Variants in EDARADD observed in about 807,000 individuals in gnomAD.
EDARADD encodes the protein EDAR associated via death domain.
EDARADD carries 20 observed loss-of-function variants against 25.6 expected under a neutral mutation model. That is an observed-to-expected ratio of 0.78 (90% CI 0.55 to 1.14). The LOEUF (loss-of-function observed/expected upper bound fraction) is 1.14, where lower values mean the gene tolerates loss of function less well. Among genes scored for constraint, EDARADD ranks in the 50% most tolerant of loss-of-function variants. The pLI is 0.00. For synonymous variants in EDARADD, 86 were observed against 94.4 expected, an observed-to-expected ratio of 0.91 and a Z score of 0.52; for missense variants, 225 against 270.1, an observed-to-expected ratio of 0.83 and a Z score of 1.17.
chr1:236,457,048 G>A lies in EDARADD; in HGVS notation c.220-11183G>A, dbSNP rs542657437. ...TGCCAGTTCCTGCTACCCAACCTCC[G>A]CCCTCATTTCAAGGCCTTGAGTACT... On this transcript the variant is annotated intron_variant, in intron 4 of 5. Coordinates refer to ENST00000334232, the MANE Select transcript of EDARADD (RefSeq NM_145861.4). 6.5e-4 allele frequency among the ~76,000 whole-genome samples: 99 copies of A among 151,972 alleles called. No individual in the cohort carries two copies. In the South Asian group the frequency reaches 9.8e-3, roughly 15 times the overall value.
Position 236,469,815 on chromosome 1 carries a change from C to T in EDARADD, c.265+1539C>T, listed in dbSNP as rs143683601. Among the ~76,000 whole-genome samples, 390 of 151,654 alleles carry T rather than the reference C, an allele frequency of 2.6e-3. 5 individuals are homozygous for T. The highest frequency in any genetic ancestry group is 8.8e-3 in the African/African-American group (364 of 41,360). ...TCCATAGATTTTTTTTTTCTTGAGA[C>T]GGAGTTTCGCACTCTTGTTGCCTAG... On this transcript the variant is annotated intron_variant, in intron 5 of 5. Transcript: ENST00000334232.
intron 4 of EDARADD, among the ~76,000 whole-genome samples, chr1:236,436,624 CAAAAAAA>C (rs5781885): frequency 1.1e-5 from 1 of 94,230 alleles, no homozygotes; most frequent in Admixed American, 1.5e-4. Context: ...AAGATCTTGT[CAAAAAAA>C]AAAAAAAAAA....
chr1:236,475,906 A>G (rs554350128), intron 5 of EDARADD, among the ~76,000 whole-genome samples: 1 of 152,304 alleles, frequency 6.6e-6, no homozygotes, highest in South Asian at 2.1e-4. Flanking sequence ...AAGAAACTTT[A>G]CAGGCCGGGC....
At chr1:236,474,133 A>G (rs1243334083) in intron 5 of EDARADD, among the ~76,000 whole-genome samples, 1 of 152,106 alleles carries the variant, frequency 6.6e-6, no homozygotes, top group Admixed American at 6.6e-5. Context: ...TTCGAAGAGC[A>G]CCATCCAATA....
At chr1:236,375,998 G>C (rs570781275) in intron 3 of EDARADD, among the ~76,000 whole-genome samples, 2 of 145,818 alleles carry the variant, frequency 1.4e-5, no homozygotes, top group Admixed American at 1.4e-4. Context: ...GCAATGGTGC[G>C]ATCTTGGCTC....
intron 1 of EDARADD, among the ~76,000 whole-genome samples, chr1:236,396,054 C>G (rs184585989): frequency 6.6e-6 from 1 of 152,280 alleles, no homozygotes; most frequent in East Asian, 1.9e-4. Context: ...TCTTTCTCCC[C>G]GCTCACATGC....
In EDARADD at chr1:236,394,392, T is replaced by A. The variant is rs1278905731; in HGVS notation, c.-53T>A. On this transcript the variant is annotated 5_prime_UTR_variant, in exon 1 of 6. Coordinates refer to ENST00000334232, the MANE Select transcript of EDARADD (RefSeq NM_145861.4). ...CAGCGAGCATCTTCTCGCAATCTGT[T>A]GCTTCTTCCATGGCAAACTCCAGAG... 4 of 1,596,508 alleles carry A rather than the reference T, an allele frequency of 2.5e-6. No homozygotes were observed. The highest frequency in any genetic ancestry group is 3.4e-6 in the Non-Finnish European group (4 of 1,164,136).
In EDARADD at chr1:236,480,293, A is replaced by C. The variant is rs1246275038; in HGVS notation, c.266-1974A>C. 4.6e-5 allele frequency among the ~76,000 whole-genome samples: 7 copies of C among 151,986 alleles called. No homozygotes were observed. The East Asian group carries it at 1.4e-3, about 29-fold the overall frequency. The stretch of plus-strand genomic sequence containing the variant: ...TAAATAATATTCCATCAAGTAGCAC[A>C]ATCATTTATTTCACTAGTCCTCTAA... On this transcript the variant is annotated intron_variant, in intron 5 of 5. Coordinates refer to ENST00000334232, the MANE Select transcript of EDARADD (RefSeq NM_145861.4).
chr1:236,402,198 G>A (rs988259416), intron 1 of EDARADD, among the ~76,000 whole-genome samples: 1 of 152,122 alleles, frequency 6.6e-6, no homozygotes, highest in African/African-American at 2.4e-5. Flanking sequence ...CTGACCTCAG[G>A]TGATCTGCCC....
rs886046192 is a variant in EDARADD at position 236,483,570 on chromosome 1, G to A, written c.*921G>A. ...GGTTCCCCTGTACCACCACATCGCC[G>A]ACTTGTCTGGCAACTCCAAAGTCAT... On this transcript the variant is annotated 3_prime_UTR_variant, in exon 6 of 6. Coordinates refer to ENST00000334232, the MANE Select transcript of EDARADD (RefSeq NM_145861.4). 2.7e-5 allele frequency: 36 copies of A among 1,348,796 alleles called. No homozygotes were observed. The highest frequency in any genetic ancestry group is 2.0e-4 in the Middle Eastern group (1 of 5,128). 83.6% of individuals were successfully genotyped at this position (1,348,796 alleles called of 1,614,324 possible).
chr1:236,464,250 A>ATTTTTTTT (rs34675825), intron 4 of EDARADD, among the ~76,000 whole-genome samples: 1 of 142,392 alleles, frequency 7.0e-6, no homozygotes. Context: ...TTCTGCAAGT[A>ATTTTTTTT]TTATTTTTTT....
At chr1:236,422,903 T>C (rs527850432) in intron 3 of EDARADD, among the ~76,000 whole-genome samples, 23 of 152,270 alleles carry the variant, frequency 1.5e-4, no homozygotes, top group Admixed American at 1.4e-3. Flanking sequence ...GACAGCGCAG[T>C]ATGGAGGGTC....
chr1:236,364,445 A>G (rs1667087533), intron 3 of EDARADD, among the ~76,000 whole-genome samples: 1 of 152,178 alleles, frequency 6.6e-6, no homozygotes, highest in Admixed American at 6.5e-5. Context: ...ACTAGCTGGG[A>G]TTTTGATTAT....
chr1:236,422,247 A>G (rs1657801256), intron 3 of EDARADD, among the ~76,000 whole-genome samples: 1 of 152,220 alleles, frequency 6.6e-6, no homozygotes, highest in Non-Finnish European at 1.5e-5. Flanking sequence ...CTGGCGTTGT[A>G]TGTTCTTAGA....
Position 236,427,469 on chromosome 1 carries a change from A to G in EDARADD, c.219+19A>G. The G allele has an allele frequency of 6.2e-7, 1 of 1,606,820 alleles. No homozygotes were observed. On this transcript the variant is annotated intron_variant, in intron 4 of 5. Coordinates refer to ENST00000334232, the MANE Select transcript of EDARADD (RefSeq NM_145861.4). The stretch of plus-strand genomic sequence containing the variant: ...AAATCAGGTAAGAATAATTTCAACT[A>G]TATTTTACCCTTAGGTACATGATAA...
At chr1:236,434,117 G>A (rs1346681921) in intron 4 of EDARADD, among the ~76,000 whole-genome samples, 1 of 152,198 alleles carries the variant, frequency 6.6e-6, no homozygotes, top group Non-Finnish European at 1.5e-5. Flanking sequence ...AACCCTCCCA[G>A]TAGATGGAAT....
intron 5 of EDARADD, among the ~76,000 whole-genome samples, chr1:236,475,988 C>T (rs1046911468): frequency 2.7e-4 from 40 of 150,552 alleles, no homozygotes; most frequent in South Asian, 1.1e-3. Flanking sequence ...GTCAAGAGTT[C>T]GAGACCAGCC....
chr1:236,414,238 C>G, intron 2 of EDARADD, 22 bp from the exon 3 acceptor site: 1 of 1,599,298 alleles, frequency 6.3e-7, no homozygotes, highest in South Asian at 1.1e-5. Flanking sequence ...AAATAATTCT[C>G]CTCTTTTGTT....
At chr1:236,461,415 C>T (rs1420861157) in intron 4 of EDARADD, among the ~76,000 whole-genome samples, 1 of 152,166 alleles carries the variant, frequency 6.6e-6, no homozygotes, top group Non-Finnish European at 1.5e-5. Context: ...CTGTCTTTTT[C>T]ACCAGTGTAT....
Sources: gnomAD v4.1 joint callset for allele counts (sites outside exome capture counted in the v4.1 genomes callset) on GRCh38, gnomAD v4.1.1 for gene constraint, MANE v1.5 for transcripts, NCBI Gene and HGNC (gene_info 2026-07-23, HGNC 2026-07-21) for gene names.